PRDM11: variants seen among roughly 807,000 people sequenced by gnomAD.
The protein encoded by PRDM11 is PR/SET domain 11.
Under a neutral mutation model 97.8 loss-of-function variants are expected in PRDM11, and 20 were observed. The observed-to-expected ratio is 0.20, with a 90% CI of 0.14 to 0.30. The LOEUF (loss-of-function observed/expected upper bound fraction) is 0.30, where lower values mean the gene tolerates loss of function less well. Among genes scored for constraint, PRDM11 ranks in the 10% least tolerant of loss-of-function variants. The pLI is 1.00. For synonymous variants in PRDM11, 599 were observed against 637.7 expected (o/e 0.94, Z 0.91); for missense variants, 1,139 against 1,555.2 (o/e 0.73, Z 4.50).
At chr11:45,220,406 G>A (rs1854087416) in intron 6 of PRDM11, among the ~76,000 whole-genome samples, 1 of 152,190 alleles carries the variant, frequency 6.6e-6, no homozygotes, top group Non-Finnish European at 1.5e-5. Flanking sequence ...ATGGACATGT[G>A]GCATTTAGGA....
At chr11:45,125,177 G>A (rs1234663317) in intron 1 of PRDM11, among the ~76,000 whole-genome samples, 5 of 151,982 alleles carry the variant, frequency 3.3e-5, no homozygotes, top group Non-Finnish European at 5.9e-5. Context: ...TGTGGGATCG[G>A]TGGTGATATC....
intron 1 of PRDM11, among the ~76,000 whole-genome samples, chr11:45,123,322 T>C (rs963206056): frequency 6.6e-5 from 10 of 152,386 alleles, no homozygotes; most frequent in African/African-American, 2.2e-4. Flanking sequence ...TGGTTTCTTC[T>C]GCTGTGCAGA....
chr11:45,129,775 CTG>C, intron 1 of PRDM11, among the ~76,000 whole-genome samples: 1 of 152,148 alleles, frequency 6.6e-6, no homozygotes, highest in East Asian at 1.9e-4. Context: ...AATTGAAAAG[CTG>C]ATTGTAAAAT....
intron 5 of PRDM11, among the ~76,000 whole-genome samples, chr11:45,206,336 C>T (rs1442637803): frequency 2.6e-5 from 4 of 152,176 alleles, no homozygotes; most frequent in African/African-American, 9.7e-5. Flanking sequence ...TTGACATGGG[C>T]CTTCAAAGGG....
At chr11:45,102,576 C>T (rs1002675794) in intron 1 of PRDM11, among the ~76,000 whole-genome samples, 15 of 152,130 alleles carry the variant, frequency 9.9e-5, no homozygotes, top group African/African-American at 3.6e-4. Flanking sequence ...TCCTTCACAC[C>T]GTGCCACAGC....
upstream of PRDM11, among the ~76,000 whole-genome samples, chr11:45,144,123 T>C (rs555328859): frequency 1.3e-5 from 2 of 152,320 alleles, no homozygotes; most frequent in Admixed American, 6.5e-5. Context: ...CAGCCTTGTT[T>C]CAGATTCCTT....
At position 45,224,699 on chromosome 11, in the gene PRDM11, T is replaced by G. The variant is rs1175693747; in HGVS notation, c.1225T>G (p.Ser409Ala). The G allele has an allele frequency of 6.2e-7, 1 of 1,614,152 alleles. No homozygotes were observed. Among genetic ancestry groups the G allele is most frequent in the East Asian group, 2.2e-5 (1 of 44,864 alleles). Residue 409 changes from serine to alanine, a missense_variant, in exon 7 of 8, where the codon TCT (serine) becomes GCT (alanine). Physicochemically the swap from Ser to Ala is moderately conservative, Grantham distance 99. Transcript: ENST00000683152. Reference protein sequence around the residue: ...ASDPHELPTTSFCPNCIRLKK... With the variant: ...ASDPHELPTTAFCPNCIRLKK... ...TGACCCTCATGAACTTCCCACCACC[T>G]CTTTTTGCCCTAACTGTATTCGCCT...
chr11:45,148,165 C>T (rs1351548891), intron 1 of PRDM11, among the ~76,000 whole-genome samples: 2 of 152,150 alleles, frequency 1.3e-5, no homozygotes, highest in Admixed American at 1.3e-4. Flanking sequence ...CGTGTAGAAA[C>T]CTTCCCTTCT....
At chr11:45,181,528 C>T (rs900644526) in intron 1 of PRDM11, among the ~76,000 whole-genome samples, 4 of 152,210 alleles carry the variant, frequency 2.6e-5, no homozygotes, top group Non-Finnish European at 5.9e-5. Flanking sequence ...CTCCTGACCC[C>T]ATGGGGCTGG....
chr11:45,225,881 G>A (rs1259072947), intron 7 of PRDM11, 114 bp from the exon 8 acceptor site: 10 of 1,305,588 alleles, frequency 7.7e-6, no homozygotes, highest in Middle Eastern at 2.7e-4. Flanking sequence ...AGGCTTCCAC[G>A]GACTTCTGTT....
At chr11:45,175,076 G>T (rs1245912799) in intron 1 of PRDM11, among the ~76,000 whole-genome samples, 1 of 152,156 alleles carries the variant, frequency 6.6e-6, no homozygotes, top group East Asian at 1.9e-4. Flanking sequence ...CAGCTTCCCG[G>T]TTATTAACAT....
chr11:45,138,169 G>C (rs1852913876), intron 1 of PRDM11, among the ~76,000 whole-genome samples: 1 of 152,164 alleles, frequency 6.6e-6, no homozygotes, highest in South Asian at 2.1e-4. Context: ...GCCTGAAAGG[G>C]AGCCCAATGA....
intron 1 of PRDM11, among the ~76,000 whole-genome samples, chr11:45,113,512 G>C (rs1460292641): frequency 6.6e-6 from 1 of 152,094 alleles, no homozygotes; most frequent in African/African-American, 2.4e-5. Context: ...GATGGGAATT[G>C]CATTGAATCT....
At chr11:45,159,991 A>C (rs1465836359) in intron 1 of PRDM11, among the ~76,000 whole-genome samples, 1 of 152,002 alleles carries the variant, frequency 6.6e-6, no homozygotes, top group Non-Finnish European at 1.5e-5. Context: ...TGCCCAACCC[A>C]TTTCTTCTTG....
intron 5 of PRDM11, among the ~76,000 whole-genome samples, chr11:45,218,780 G>A (rs1050431101): frequency 6.6e-5 from 10 of 152,222 alleles, no homozygotes; most frequent in Admixed American, 5.9e-4. Context: ...GATTCTGAGG[G>A]TTTGACAGAA....
intron 1 of PRDM11, among the ~76,000 whole-genome samples, chr11:45,157,684 G>A (rs1174544717): frequency 6.6e-6 from 1 of 152,266 alleles, no homozygotes; most frequent in African/African-American, 2.4e-5. Flanking sequence ...TGATGGGCAG[G>A]CAGCCCTCGG....
rs2135874258 is a variant in PRDM11, at chr11:45,234,489, T to C, written c.*6330T>C. 6.6e-6 allele frequency: 1 copy of C among 152,492 alleles called. No individual in the cohort carries two copies. Among genetic ancestry groups the C allele is most frequent in the South Asian group, 2.1e-4 (1 of 4,828 alleles). The allele number at this position is 152,492 out of a possible 1,614,324, so 9.4% of individuals were successfully genotyped here. On this transcript the variant is annotated 3_prime_UTR_variant, in exon 8 of 8. Coordinates refer to ENST00000683152, the MANE Select transcript of PRDM11 (RefSeq NM_001384648.1). The stretch of plus-strand genomic sequence containing the variant: ...GAGCCACAGTTAGCTGCCAACTGGG[T>C]CTTGGGACACCCTCCAGTACCTGGC...
chr11:45,205,520 G>T (rs1177557441), intron 5 of PRDM11, among the ~76,000 whole-genome samples: 1 of 152,076 alleles, frequency 6.6e-6, no homozygotes, highest in East Asian at 1.9e-4. Flanking sequence ...GGACCTAGGA[G>T]CACTGGCTGG....
chr11:45,213,546 G>C (rs575175180), intron 5 of PRDM11: 1 of 456,366 alleles, frequency 2.2e-6, no homozygotes, highest in Non-Finnish European at 4.4e-6. Context: ...TTGGCCCTCC[G>C]CTTGCCCTTG....
Sources: allele counts gnomAD v4.1 joint callset (sites outside exome capture counted in the v4.1 genomes callset), GRCh38; gene constraint gnomAD v4.1.1; transcripts MANE v1.5; gene names NCBI Gene and HGNC (gene_info 2026-07-23, HGNC 2026-07-21).